NBEA: variants seen among roughly 807,000 people sequenced by gnomAD.
The protein encoded by NBEA is neurobeachin.
Under a neutral mutation model 343.4 loss-of-function variants are expected in NBEA, and 44 were observed. The observed-to-expected ratio is 0.13, with a 90% confidence interval of 0.10 to 0.16. NBEA has a LOEUF of 0.16. Among genes scored for constraint, NBEA ranks in the 10% least tolerant of loss-of-function variants. NBEA has a pLI of 1.00. For synonymous variants in NBEA, 1,175 were observed against 1,238.7 expected (o/e 0.95, Z 1.08); for missense variants, 2,555 against 3,631.3 (o/e 0.70, Z 7.62).
intron 41 of NBEA, among the ~76,000 whole-genome samples, chr13:35,479,438 C>G (rs1332565227): frequency 6.6e-6 from 1 of 152,084 alleles, no homozygotes; most frequent in Non-Finnish European, 1.5e-5. Context: ...ATTGTTGAAG[C>G]GAGAATTAAG....
intron 35 of NBEA, among the ~76,000 whole-genome samples, chr13:35,298,209 G>GTATATATA (rs1462332460): frequency 2.0e-4 from 12 of 60,832 alleles, no homozygotes; most frequent in African/African-American, 4.9e-4. Context: ...GTGTGTGTGT[G>GTATATATA]TGTATATATA....
chr13:35,363,542 T>G (rs1375292345), intron 38 of NBEA, among the ~76,000 whole-genome samples: 14 of 151,912 alleles, frequency 9.2e-5, no homozygotes, highest in African/African-American at 2.9e-4. Context: ...CTAGGTTAGT[T>G]CATCTGCTAA....
chr13:34,997,425 CT>C (rs2060977259), intron 1 of NBEA, among the ~76,000 whole-genome samples: 1 of 151,946 alleles, frequency 6.6e-6, no homozygotes, highest in Non-Finnish European at 1.5e-5. Context: ...TGAACTCATT[CT>C]TCCTTATTAT....
intron 53 of NBEA, among the ~76,000 whole-genome samples, chr13:35,652,283 A>C (rs1195478980): frequency 6.6e-6 from 1 of 151,406 alleles, no homozygotes; most frequent in Non-Finnish European, 1.5e-5. Context: ...AACATGGCAC[A>C]TGTATACCTA....
rs150471657 is a variant in NBEA, at chr13:35,616,818, G to C, written c.7449+10240G>C. Among the ~76,000 whole-genome samples, 1,053 of 152,256 alleles carry C rather than the reference G, an allele frequency of 6.9e-3. 5 individuals carry two copies. The highest frequency in any genetic ancestry group is 0.011 in the Non-Finnish European group (745 of 68,016). On this transcript the variant is annotated intron_variant, in intron 48 of 58. Transcript: ENST00000379939. ...ATGACCAGTTTAAGAACTGACTTCT[G>C]TTTATATATACTTCTTACCTGTTAT... is the stretch of plus-strand genomic sequence containing the variant.
At chr13:35,619,194 A>T (rs939645071) in intron 48 of NBEA, among the ~76,000 whole-genome samples, 2 of 151,984 alleles carry the variant, frequency 1.3e-5, no homozygotes, top group Non-Finnish European at 2.9e-5. Context: ...CTTATGTAGG[A>T]ATTCAAAATA....
chr13:35,163,978 A>G (rs984835764), intron 23 of NBEA, among the ~76,000 whole-genome samples: 2 of 152,090 alleles, frequency 1.3e-5, no homozygotes, highest in African/African-American at 2.4e-5. Flanking sequence ...TTGAGTTTCC[A>G]TATTATTTTT....
At chr13:35,648,513 T>C (rs1046074654) in intron 51 of NBEA, among the ~76,000 whole-genome samples, 1 of 152,122 alleles carries the variant, frequency 6.6e-6, no homozygotes, top group South Asian at 2.1e-4. Context: ...ATATTTATCC[T>C]GGAGATATGC....
intron 1 of NBEA, among the ~76,000 whole-genome samples, chr13:34,971,697 T>A (rs2060000712): frequency 6.6e-6 from 1 of 152,190 alleles, no homozygotes; most frequent in Admixed American, 6.5e-5. Context: ...ATCCTGGGGA[T>A]GAAGCCTACT....
chr13:35,153,015 CT>C (rs2068895419), intron 18 of NBEA, among the ~76,000 whole-genome samples: 2 of 149,304 alleles, frequency 1.3e-5, no homozygotes, highest in Non-Finnish European at 3.0e-5. Flanking sequence ...CCCTTTCTCC[CT>C]TTTTAAACTT....
intron 33 of NBEA, among the ~76,000 whole-genome samples, chr13:35,212,271 C>G (rs776936499): frequency 6.6e-6 from 1 of 151,996 alleles, no homozygotes; most frequent in Non-Finnish European, 1.5e-5. Context: ...CTATGTATTT[C>G]TTTGTCTCTG....
At chr13:34,977,862 A>C (rs1225666901) in intron 1 of NBEA, among the ~76,000 whole-genome samples, 3 of 152,074 alleles carry the variant, frequency 2.0e-5, no homozygotes, top group Non-Finnish European at 4.4e-5. Context: ...GTAGTTCAGG[A>C]TGGAGTACAG....
chr13:35,624,375 TA>T (rs1180779070), intron 48 of NBEA, among the ~76,000 whole-genome samples: 3 of 152,158 alleles, frequency 2.0e-5, no homozygotes, highest in African/African-American at 7.2e-5. Context: ...AACACTAAGA[TA>T]AAACTTTTAT....
At chr13:35,434,558 T>C (rs2045316622) in intron 39 of NBEA, among the ~76,000 whole-genome samples, 1 of 152,134 alleles carries the variant, frequency 6.6e-6, no homozygotes, top group Admixed American at 6.6e-5. Flanking sequence ...CATTCTAAGG[T>C]CAGGGAGTGG....
At chr13:35,243,026 A>G (rs893010256) in intron 34 of NBEA, among the ~76,000 whole-genome samples, 1 of 151,864 alleles carries the variant, frequency 6.6e-6, no homozygotes, top group Non-Finnish European at 1.5e-5. Context: ...TTTTGGTTCT[A>G]CTATTCTTTT....
At chr13:35,203,488 T>C (rs1344689508) in intron 31 of NBEA, among the ~76,000 whole-genome samples, 1 of 152,202 alleles carries the variant, frequency 6.6e-6, no homozygotes, top group Non-Finnish European at 1.5e-5. Context: ...ACATCTGATA[T>C]ACTATATTTA....
At chr13:35,408,327 G>T (rs1482711007) in intron 38 of NBEA, among the ~76,000 whole-genome samples, 2 of 152,188 alleles carry the variant, frequency 1.3e-5, no homozygotes, top group Admixed American at 6.6e-5. Context: ...ATTGAAACTG[G>T]ACCCCTTCCT....
At chr13:35,111,138 T>C (rs933488090) in intron 13 of NBEA, among the ~76,000 whole-genome samples, 160 bp downstream of exon 13, 1 of 152,212 alleles carries the variant, frequency 6.6e-6, no homozygotes, top group African/African-American at 2.4e-5. Flanking sequence ...TAAAGAAGTT[T>C]AGGGCTTTTC....
intron 17 of NBEA, among the ~76,000 whole-genome samples, chr13:35,126,432 A>C (rs2152680973): frequency 6.6e-6 from 1 of 152,334 alleles, no homozygotes; most frequent in Non-Finnish European, 1.5e-5. Flanking sequence ...AATATTGGAC[A>C]AATACTGGAA....
Sources: allele counts gnomAD v4.1 joint callset (sites outside exome capture counted in the v4.1 genomes callset), GRCh38; gene constraint gnomAD v4.1.1; transcripts MANE v1.5; gene names NCBI Gene and HGNC (gene_info 2026-07-23, HGNC 2026-07-21).